Variants in TMEFF2 observed in about 807,000 individuals in gnomAD.
The protein encoded by TMEFF2 is tomoregulin-2.
Under a neutral mutation model 53.8 loss-of-function variants are expected in TMEFF2, and 28 were observed. The observed-to-expected ratio is 0.52, with a 90% CI of 0.39 to 0.71. The LOEUF is 0.71. Among genes scored for constraint, TMEFF2 ranks in the 30% least tolerant of loss-of-function variants. The pLI is 0.00. For missense variants in TMEFF2, 353 were observed against 455.2 expected (o/e 0.78, Z 2.04); for synonymous variants, 162 against 166.3 (o/e 0.97, Z 0.20).
intron 5 of TMEFF2, among the ~76,000 whole-genome samples, chr2:192,043,496 G>C (rs1687536310): frequency 6.6e-6 from 1 of 152,196 alleles, no homozygotes. Context: ...ATGGACACTA[G>C]CTCTGAACTG....
At chr2:192,193,757 TAGATAGAGAG>T (rs1304186898) in intron 1 of TMEFF2, among the ~76,000 whole-genome samples, 680 of 26,654 alleles carry the variant, frequency 0.026, 11 homozygotes, top group African/African-American at 0.044. Context: ...GAGAGATAGA[TAGATAGAGAG>T]AGAGAGAGAG....
rs1015431080 is a variant in TMEFF2 at position 191,949,680 on chromosome 2, T to A, written c.*631A>T. ...CTCCTTTATGAGTTATAAAACACTT[T>A]CCCTCCCCTTCTTCTTTTATTTAGT... On this transcript the variant is annotated 3_prime_UTR_variant, in exon 10 of 10. Coordinates refer to ENST00000272771, the MANE Select transcript of TMEFF2 (RefSeq NM_016192.4). The A allele has an allele frequency of 1.1e-5, 11 of 985,296 alleles. No homozygotes were observed. The African/African-American group carries it at 1.9e-4, about 17-fold the overall frequency. The allele number at this position is 985,296 out of a possible 1,614,324, so 61.0% of individuals were successfully genotyped here. A position where few individuals can be genotyped will look rare whatever the true frequency, so the allele number is the denominator to read the frequency against.
chr2:192,005,014 T>G (rs1686466369), intron 5 of TMEFF2, among the ~76,000 whole-genome samples: 1 of 152,200 alleles, frequency 6.6e-6, no homozygotes, highest in Non-Finnish European at 1.5e-5. Flanking sequence ...TAGATCTCTT[T>G]TCTTCTAGGC....
At chr2:191,971,506 C>G (rs562119059) in intron 7 of TMEFF2, among the ~76,000 whole-genome samples, 141 of 152,282 alleles carry the variant, frequency 9.3e-4, no homozygotes, top group African/African-American at 3.3e-3. Flanking sequence ...CAGAGCCCCT[C>G]ACTTTTGCTT....
At chr2:192,106,826 A>C (rs567763952) in intron 4 of TMEFF2, among the ~76,000 whole-genome samples, 5 of 151,966 alleles carry the variant, frequency 3.3e-5, no homozygotes, top group African/African-American at 1.2e-4. Flanking sequence ...TAGTGGCAAA[A>C]GTTCTTTTAG....
chr2:192,077,096 T>C (rs1197014361), intron 4 of TMEFF2, among the ~76,000 whole-genome samples: 4 of 152,152 alleles, frequency 2.6e-5, no homozygotes, highest in African/African-American at 9.7e-5. Context: ...CAGATAGATA[T>C]ATGCAAGTAA....
chr2:191,982,148 TA>T (rs1685867499), intron 7 of TMEFF2, among the ~76,000 whole-genome samples: 1 of 147,048 alleles, frequency 6.8e-6, no homozygotes, highest in South Asian at 2.2e-4. Flanking sequence ...TATCCATATT[TA>T]TGCAAATTCT....
At chr2:191,988,195 C>A in intron 7 of TMEFF2, among the ~76,000 whole-genome samples, 1 of 152,162 alleles carries the variant, frequency 6.6e-6, no homozygotes, top group East Asian at 1.9e-4. Flanking sequence ...ATATAGAAGA[C>A]AATGTGGACA....
chr2:191,961,386 A>G (rs1692267785), intron 7 of TMEFF2, among the ~76,000 whole-genome samples: 1 of 152,170 alleles, frequency 6.6e-6, no homozygotes, highest in Non-Finnish European at 1.5e-5. Flanking sequence ...TAGAAAAACA[A>G]AAATTTTCAG....
At chr2:192,108,705 A>G (rs1413292953) in intron 4 of TMEFF2, among the ~76,000 whole-genome samples, 1 of 152,082 alleles carries the variant, frequency 6.6e-6, no homozygotes, top group Non-Finnish European at 1.5e-5. Flanking sequence ...GGTGTATACT[A>G]AAAATAACTG....
intron 4 of TMEFF2, among the ~76,000 whole-genome samples, chr2:192,168,267 G>T (rs1012112300): frequency 2.0e-5 from 3 of 151,894 alleles, no homozygotes; most frequent in Admixed American, 2.0e-4. Flanking sequence ...TAAATTTTAT[G>T]AACTTTATCA....
At chr2:192,075,332 T>TATATATATATATATATATACATAC (rs796267672) in intron 4 of TMEFF2, among the ~76,000 whole-genome samples, 3 of 88,146 alleles carry the variant, frequency 3.4e-5, no homozygotes, top group African/African-American at 1.2e-4. Flanking sequence ...TATATATATA[T>TATATATATATATATATATACATAC]ACATACATAC....
chr2:192,141,324 A>G (rs1161929475), intron 4 of TMEFF2, among the ~76,000 whole-genome samples: 1 of 151,974 alleles, frequency 6.6e-6, no homozygotes, highest in Non-Finnish European at 1.5e-5. Flanking sequence ...ATGGTGGTGC[A>G]TGCCTGTAAT....
At chr2:191,964,850 T>C (rs2105797858) in intron 7 of TMEFF2, among the ~76,000 whole-genome samples, 1 of 152,140 alleles carries the variant, frequency 6.6e-6, no homozygotes, top group Admixed American at 6.5e-5. Flanking sequence ...CATCACAATC[T>C]CTCAGTAATA....
intron 5 of TMEFF2, among the ~76,000 whole-genome samples, chr2:192,004,650 AAAAG>A (rs1266275127): frequency 6.6e-6 from 1 of 152,192 alleles, no homozygotes; most frequent in Non-Finnish European, 1.5e-5. Context: ...TGAAGATTAA[AAAAG>A]AAAAAGAAAA....
At chr2:192,121,150 G>A (rs1689543798) in intron 4 of TMEFF2, among the ~76,000 whole-genome samples, 1 of 152,106 alleles carries the variant, frequency 6.6e-6, no homozygotes, top group African/African-American at 2.4e-5. Flanking sequence ...GTCTAGTGGG[G>A]GAAGGAGACA....
chr2:192,052,118 A>T (rs954731653), intron 5 of TMEFF2, among the ~76,000 whole-genome samples: 2 of 152,220 alleles, frequency 1.3e-5, no homozygotes, highest in African/African-American at 4.8e-5. Flanking sequence ...ATACTACAAA[A>T]GCAAAGTTAA....
chr2:192,014,032 GT>G (rs1303388034), intron 5 of TMEFF2, among the ~76,000 whole-genome samples: 1 of 152,268 alleles, frequency 6.6e-6, no homozygotes, highest in East Asian at 1.9e-4. Context: ...TTATCAAAAA[GT>G]ATTAGTTCAT....
At chr2:192,102,711 C>G (rs1330149637) in intron 4 of TMEFF2, among the ~76,000 whole-genome samples, 2 of 145,320 alleles carry the variant, frequency 1.4e-5, no homozygotes, top group African/African-American at 2.6e-5. Context: ...TCACCTGTCG[C>G]CAGGCTGGAG....
Sources: gnomAD v4.1 joint callset for allele counts (sites outside exome capture counted in the v4.1 genomes callset) on GRCh38, gnomAD v4.1.1 for gene constraint, MANE v1.5 for transcripts, NCBI Gene and HGNC (gene_info 2026-07-23, HGNC 2026-07-21) for gene names.